Variants in SCN11A observed in about 807,000 individuals in gnomAD.
SCN11A encodes the protein sodium voltage-gated channel alpha subunit 11, also known as sodium channel protein type 11 subunit alpha.
SCN11A carries 122 observed loss-of-function variants against 162.2 expected under a neutral mutation model. The observed-to-expected ratio is 0.75, with a 90% CI of 0.65 to 0.87. The LOEUF (loss-of-function observed/expected upper bound fraction) is 0.87. SCN11A is among the 40% of genes least tolerant of loss of function. The pLI, the probability that SCN11A is intolerant of heterozygous loss-of-function variation, is 0.00. For missense variants in SCN11A, 2,015 were observed against 2,181.6 expected, an observed-to-expected ratio of 0.92 and a Z score of 1.52; for synonymous variants, 758 against 751.5, an observed-to-expected ratio of 1.01 and a Z score of -0.14.
At chr3:38,931,630 T>C (rs1344764070) in intron 7 of SCN11A, among the ~76,000 whole-genome samples, 2 of 152,218 alleles carry the variant, frequency 1.3e-5, no homozygotes, top group African/African-American at 4.8e-5. Context: ...CATCAATCCA[T>C]TTTTCCTTGG....
intron 26 of SCN11A, 70 bp from the exon 27 acceptor site, chr3:38,867,528 T>C (rs1279628196): frequency 1.3e-5 from 16 of 1,201,728 alleles, no homozygotes; most frequent in Non-Finnish European, 1.9e-5. Context: ...CTAACTACCT[T>C]ATCTAGAAGA....
chr3:38,969,938 C>T (rs574642308), intron 2 of SCN11A, among the ~76,000 whole-genome samples: 47 of 150,482 alleles, frequency 3.1e-4, no homozygotes, highest in African/African-American at 1.0e-3. Flanking sequence ...ATCAAAGCCT[C>T]CAGGCTTGCC....
At position 38,960,415 on chromosome 3, in the gene SCN11A, G is replaced by C. The variant is rs1349135249; in HGVS notation, c.-271C>G. ...GCCTGGAGCCCTTCTGGGAGGAGCGGCTTGGAGGCTGGGTGGAGAGTGTGG... is the reference window on the plus strand; with the variant it reads ...GCCTGGAGCCCTTCTGGGAGGAGCGCCTTGGAGGCTGGGTGGAGAGTGTGG... On this transcript the variant is annotated 5_prime_UTR_variant, in exon 3 of 30. Transcript: ENST00000302328. Among the ~76,000 whole-genome samples the C allele has an allele frequency of 6.6e-6, 1 of 152,154 alleles. No individual in the cohort carries two copies. The highest frequency in any genetic ancestry group is 1.5e-5 in the Non-Finnish European group (1 of 68,020).
intron 11 of SCN11A, among the ~76,000 whole-genome samples, chr3:38,918,253 C>G (rs1160160894): frequency 6.6e-6 from 1 of 152,120 alleles, no homozygotes; most frequent in African/African-American, 2.4e-5. Context: ...CTATATGCAG[C>G]AGCTGTCGGG....
chr3:38,921,248 C>T lies in SCN11A; in HGVS notation c.720G>A (p.Lys240=), dbSNP rs371755913. ...AGCGTAGCAAGGCCCCCACGATGAC[C>T]TTCAGACCTGAGAAAGAGGACAGGC... The part of the protein sequence containing the change: ...LKAISVVSRL[K]VIVGALLRSV... Residue 240 remains lysine, a synonymous_variant, in exon 10 of 30, where the codon AAG becomes AAA. Coordinates refer to ENST00000302328, the MANE Select transcript of SCN11A (RefSeq NM_001349253.2). The T allele has an allele frequency of 3.7e-6, 6 of 1,613,744 alleles. No homozygotes were observed. In the Admixed American group the frequency reaches 1.0e-4, roughly 27 times the overall value.
At chr3:38,973,565 A>T (rs2066830353) in intron 2 of SCN11A, among the ~76,000 whole-genome samples, 7 of 152,240 alleles carry the variant, frequency 4.6e-5, no homozygotes, top group Admixed American at 4.6e-4. Context: ...AGATACCTTG[A>T]ATAATTCTTG....
chr3:39,009,889 T>C (rs2031079410), intron 2 of SCN11A, among the ~76,000 whole-genome samples: 1 of 149,254 alleles, frequency 6.7e-6, no homozygotes, highest in Admixed American at 6.7e-5. Context: ...CTCATTATGT[T>C]GCCCAGGCTG....
At chr3:38,988,196 CCT>C (rs1443422291) in intron 2 of SCN11A, among the ~76,000 whole-genome samples, 2 of 152,176 alleles carry the variant, frequency 1.3e-5, no homozygotes, top group African/African-American at 4.8e-5. Flanking sequence ...TGTGACTTCC[CCT>C]GAGTCCACAG....
At chr3:38,993,176 G>T (rs958611504) in intron 2 of SCN11A, among the ~76,000 whole-genome samples, 11 of 152,214 alleles carry the variant, frequency 7.2e-5, no homozygotes, top group African/African-American at 2.4e-4. Flanking sequence ...AATCCACCTG[G>T]ACTCCTCTGG....
intron 7 of SCN11A, among the ~76,000 whole-genome samples, chr3:38,928,632 T>A (rs998655284): frequency 3.3e-5 from 5 of 152,132 alleles, no homozygotes; most frequent in Non-Finnish European, 7.4e-5. Context: ...AGGATTTGAA[T>A]AGATATTTCT....
intron 2 of SCN11A, among the ~76,000 whole-genome samples, chr3:38,987,172 AT>A (rs1175617823): frequency 6.6e-6 from 1 of 151,900 alleles, no homozygotes; most frequent in Admixed American, 6.6e-5. Context: ...ACAGGCATTC[AT>A]CCATCTCTCC....
chr3:39,027,222 T>C (rs752158165), intron 2 of SCN11A, among the ~76,000 whole-genome samples: 3 of 152,178 alleles, frequency 2.0e-5, no homozygotes, highest in Non-Finnish European at 2.9e-5. Context: ...GCATGGGGGA[T>C]TTTCCTTTAC....
chr3:39,024,354 C>G (rs2031532487), intron 2 of SCN11A, among the ~76,000 whole-genome samples: 1 of 152,236 alleles, frequency 6.6e-6, no homozygotes, highest in African/African-American at 2.4e-5. Context: ...TTTATTCCTC[C>G]TGGGTATGGG....
intron 18 of SCN11A, among the ~76,000 whole-genome samples, chr3:38,896,512 C>T (rs1360074592): frequency 6.6e-6 from 1 of 152,176 alleles, no homozygotes; most frequent in East Asian, 1.9e-4. Flanking sequence ...CAAATTGCTC[C>T]AGTGGACATC....
intron 2 of SCN11A, among the ~76,000 whole-genome samples, chr3:38,990,426 A>G (rs2030415644): frequency 6.6e-6 from 1 of 152,134 alleles, no homozygotes; most frequent in South Asian, 2.1e-4. Flanking sequence ...TGCCCTCAAA[A>G]AGTCAGCATT....
intron 7 of SCN11A, among the ~76,000 whole-genome samples, chr3:38,934,198 C>T (rs1365048504): frequency 1.3e-5 from 2 of 152,224 alleles, no homozygotes; most frequent in African/African-American, 4.8e-5. Context: ...GCCACCAGGC[C>T]TGCCCTAAAA....
intron 23 of SCN11A, among the ~76,000 whole-genome samples, chr3:38,879,413 G>A (rs1300098793): frequency 6.6e-6 from 1 of 152,150 alleles, no homozygotes; most frequent in Admixed American, 6.6e-5. Context: ...GAAACAAATT[G>A]ATAATCCTCT....
chr3:38,888,993 C>T (rs759013117), intron 19 of SCN11A, among the ~76,000 whole-genome samples: 3 of 151,632 alleles, frequency 2.0e-5, no homozygotes, highest in Non-Finnish European at 4.4e-5. Flanking sequence ...CCAAAAACTA[C>T]TGAAATTAAA....
At position 38,880,099 on chromosome 3, in the gene SCN11A, T is replaced by G. The variant is rs1281980551; in HGVS notation, c.3244A>C (p.Asn1082His). ...AGTAATTCTTGGATTTTGGGTTGGT[T>G]CTCAAGGTGAACATCTTCAAATATC... ...ALIFEDVHLE[N>H]QPKIQELLNC... The change falls in exon 23 of 30, where the codon AAC (asparagine) becomes CAC (histidine). Residue 1082 changes from asparagine to histidine, a missense_variant. Physicochemically the swap from Asn to His is moderately conservative, Grantham distance 68 (BLOSUM62 1). Coordinates refer to ENST00000302328, the MANE Select transcript of SCN11A (RefSeq NM_001349253.2). The G allele has an allele frequency of 1.9e-6, 3 of 1,610,742 alleles. No homozygotes were observed. The highest frequency in any genetic ancestry group is 1.3e-5 in the African/African-American group (1 of 74,752).
Sources: allele counts gnomAD v4.1 joint callset (sites outside exome capture counted in the v4.1 genomes callset), GRCh38; gene constraint gnomAD v4.1.1; transcripts MANE v1.5; gene names NCBI Gene and HGNC (gene_info 2026-07-23, HGNC 2026-07-21).